Variants in PCDHA5 observed in about 807,000 individuals in gnomAD.
PCDHA5 encodes the protein protocadherin alpha-5.
A neutral mutation model predicts 61.6 loss-of-function variants in PCDHA5; 43 were observed. The observed-to-expected ratio is 0.70, with a 90% CI of 0.55 to 0.90. PCDHA5 has a LOEUF of 0.90. Ranked by LOEUF, PCDHA5 falls within the 40% of genes least tolerant of loss-of-function variation. The pLI is 0.00. For missense variants in PCDHA5, 1,298 were observed against 1,222.7 expected, an observed-to-expected ratio of 1.06 and a Z score of -0.92; for synonymous variants, 627 against 543.9, an observed-to-expected ratio of 1.15 and a Z score of -2.13.
intron 1 of PCDHA5, chr5:140,825,657 G>A (rs2150140571): frequency 6.6e-6 from 1 of 152,030 alleles, no homozygotes; most frequent in East Asian, 1.9e-4. Context: ...CCTAATCTCA[G>A]GTGATTTACC....
At chr5:140,916,472 G>A (rs2077581791) in intron 1 of PCDHA5, among the ~76,000 whole-genome samples, 1 of 152,192 alleles carries the variant, frequency 6.6e-6, no homozygotes, top group Non-Finnish European at 1.5e-5. Context: ...TGGTTATTTG[G>A]TGCCCAAGGG....
chr5:140,862,975 G>A (rs2047690621), intron 1 of PCDHA5: 2 of 544,994 alleles, frequency 3.7e-6, no homozygotes, highest in Middle Eastern at 3.0e-4. Context: ...CAGGCCACTT[G>A]GTGGCGAAGG....
intron 3 of PCDHA5, among the ~76,000 whole-genome samples, chr5:141,003,290 G>A (rs1302166316): frequency 1.3e-5 from 2 of 152,176 alleles, no homozygotes; most frequent in Non-Finnish European, 2.9e-5. Flanking sequence ...TTGGATTATA[G>A]GATTACATGA....
At chr5:140,842,869 G>A (rs1562404536) in intron 1 of PCDHA5, 1 of 1,594,118 alleles carries the variant, frequency 6.3e-7, no homozygotes, top group Non-Finnish European at 8.6e-7. Context: ...AGAGCGGCAA[G>A]GTGTACGCGC....
intron 1 of PCDHA5, chr5:140,824,631 T>TTTTTTTTTTTTG (rs1768292344): frequency 8.2e-6 from 1 of 121,430 alleles, no homozygotes. Flanking sequence ...TTTTTTTTTT[T>TTTTTTTTTTTTG]TATTTTCTGT....
intron 1 of PCDHA5, among the ~76,000 whole-genome samples, chr5:140,951,667 C>T (rs180768474): frequency 6.6e-6 from 1 of 152,156 alleles, no homozygotes; most frequent in African/African-American, 2.4e-5. Context: ...GGCCTGCCTA[C>T]AAAATTGGGG....
chr5:140,834,265 T>G lies in PCDHA5; in HGVS notation c.2352+10138T>G, dbSNP rs2150214692. 46 of 1,021,472 alleles carry G rather than the reference T, an allele frequency of 4.5e-5. No individual in the cohort carries two copies. The South Asian group carries it at 6.6e-4, about 15-fold the overall frequency. The allele number at this position is 1,021,472 out of a possible 1,614,324, so 63.3% of individuals were successfully genotyped here. On this transcript the variant is annotated intron_variant, in intron 1 of 3. Coordinates refer to ENST00000529859, the MANE Select transcript of PCDHA5 (RefSeq NM_018908.3). ...CGCACTGGAAAGACGCTCCACTCTC[T>G]TTCACTCTTTGGATGCACAACAATG...
chr5:140,823,640 G>A lies in PCDHA5; in HGVS notation c.1865G>A (p.Arg622His), dbSNP rs1326482790. ...CCTGGCAGTGCGCGCATCCCGTTCC[G>A]CGTGGGGCTGTACACAGGCGAGATC... ...PAPGSARIPF[R>H]VGLYTGEIST... Residue 622 changes from arginine to histidine, a missense_variant, in exon 1 of 4, where the codon CGC (arginine) becomes CAC (histidine). Physicochemically the swap from Arg to His is conservative, Grantham distance 29. Coordinates refer to ENST00000529859, the MANE Select transcript of PCDHA5 (RefSeq NM_018908.3). 20 of 1,613,876 alleles carry A rather than the reference G, an allele frequency of 1.2e-5. No individual in the cohort carries two copies. The highest frequency in any genetic ancestry group is 1.7e-5 in the Non-Finnish European group (20 of 1,179,952).
At chr5:140,888,018 T>A (rs557919672) in intron 1 of PCDHA5, among the ~76,000 whole-genome samples, 1 of 152,360 alleles carries the variant, frequency 6.6e-6, no homozygotes, top group South Asian at 2.1e-4. Context: ...TTTATCTATA[T>A]GTTTGAGCAT....
At chr5:140,875,735 C>T in intron 1 of PCDHA5, 1 of 1,614,232 alleles carries the variant, frequency 6.2e-7, no homozygotes. Context: ...TTTGTGAATT[C>T]TCGGATCGAC....
intron 3 of PCDHA5, among the ~76,000 whole-genome samples, chr5:140,990,571 G>A (rs996259729): frequency 6.6e-6 from 1 of 152,102 alleles, no homozygotes; most frequent in Non-Finnish European, 1.5e-5. Flanking sequence ...ACACCTGTTC[G>A]ATCTCTTTTC....
At chr5:140,898,961 G>A (rs1405112699) in intron 1 of PCDHA5, among the ~76,000 whole-genome samples, 1 of 152,036 alleles carries the variant, frequency 6.6e-6, no homozygotes, top group African/African-American at 2.4e-5. Flanking sequence ...AGTTGTGAAT[G>A]GGAGTTCACT....
rs782072957 is a variant in PCDHA5, at chr5:140,870,352, G to A, written c.2352+46225G>A. ...GGACAGCGCCCTGGACCGCGAGAAC[G>A]TGTGGGCCTATGAACTGGTGGTGAC... On this transcript the variant is annotated intron_variant, in intron 1 of 3. Coordinates refer to ENST00000529859, the MANE Select transcript of PCDHA5 (RefSeq NM_018908.3). 36 of 1,614,108 alleles carry A rather than the reference G, an allele frequency of 2.2e-5. No homozygotes were observed. In the South Asian group the frequency reaches 3.2e-4, roughly 14 times the overall value.
chr5:140,870,614 C>T, intron 1 of PCDHA5: 2 of 1,613,212 alleles, frequency 1.2e-6, no homozygotes, highest in Non-Finnish European at 1.7e-6. Context: ...CGCGCGCTGT[C>T]GAGCTACGTG....
chr5:140,951,543 C>CG (rs1201907714), intron 1 of PCDHA5, among the ~76,000 whole-genome samples: 2 of 151,428 alleles, frequency 1.3e-5, no homozygotes. Flanking sequence ...GAGCAAGGGA[C>CG]GGGGGGAAGT....
Position 140,893,828 on chromosome 5 carries a change from C to T in PCDHA5, c.2352+69701C>T, listed in dbSNP as rs144587014. Among the ~76,000 whole-genome samples the T allele has an allele frequency of 1.9e-3, 290 of 152,282 alleles. 1 individual carries two copies. Among genetic ancestry groups the T allele is most frequent in the African/African-American group, 6.6e-3 (275 of 41,556 alleles). ...CTTGAGTCTGGTACCGTAGACTACT[C>T]AGCCATCCTGATGCCCTACCTCTTG... On this transcript the variant is annotated intron_variant, in intron 1 of 3. Coordinates refer to ENST00000529859, the MANE Select transcript of PCDHA5 (RefSeq NM_018908.3).
chr5:140,910,387 T>G (rs540534807), intron 1 of PCDHA5, among the ~76,000 whole-genome samples: 3 of 152,276 alleles, frequency 2.0e-5, no homozygotes, highest in Admixed American at 6.5e-5. Context: ...CCTTTGACAG[T>G]TGACTGGCCC....
intron 1 of PCDHA5, among the ~76,000 whole-genome samples, chr5:140,917,163 G>C (rs948639951): frequency 6.6e-6 from 1 of 152,182 alleles, no homozygotes; most frequent in Non-Finnish European, 1.5e-5. Flanking sequence ...ATATGGGAGG[G>C]GTGATGGTGG....
chr5:140,847,915 T>C (rs1166954389), intron 1 of PCDHA5: 1 of 150,482 alleles, frequency 6.6e-6, no homozygotes, highest in Non-Finnish European at 1.5e-5. Flanking sequence ...TGGGCTCCTA[T>C]ATTCACTAGA....
Sources: gnomAD v4.1 joint callset for allele counts (sites outside exome capture counted in the v4.1 genomes callset) on GRCh38, gnomAD v4.1.1 for gene constraint, MANE v1.5 for transcripts, NCBI Gene and HGNC (gene_info 2026-07-23, HGNC 2026-07-21) for gene names.